Variants in THSD7B observed in about 807,000 individuals in gnomAD.
THSD7B encodes thrombospondin type-1 domain-containing protein 7B.
In THSD7B, 138 loss-of-function variants were observed where a neutral mutation model predicts 213.6. That is an observed-to-expected ratio of 0.65 (90% CI 0.56 to 0.74). The LOEUF (loss-of-function observed/expected upper bound fraction) is 0.74. Among genes scored for constraint, THSD7B ranks in the 30% least tolerant of loss-of-function variants. The pLI, the probability that THSD7B is intolerant of heterozygous loss-of-function variation, is 0.00. For synonymous variants in THSD7B, 742 were observed against 687.0 expected (o/e 1.08, Z -1.25); for missense variants, 1,931 against 1,991.5 (o/e 0.97, Z 0.58).
At chr2:137,355,694 A>G (rs1230538361) in intron 12 of THSD7B, among the ~76,000 whole-genome samples, 1 of 152,146 alleles carries the variant, frequency 6.6e-6, no homozygotes, top group Non-Finnish European at 1.5e-5. Flanking sequence ...TAATGAATCA[A>G]TCTCCAAGGA....
chr2:136,771,963 C>T (rs1681514533), intron 1 of THSD7B, among the ~76,000 whole-genome samples: 1 of 152,048 alleles, frequency 6.6e-6, no homozygotes, highest in East Asian at 1.9e-4. Flanking sequence ...TTGCTGCATA[C>T]CTAGCTAGGT....
intron 2 of THSD7B, among the ~76,000 whole-genome samples, chr2:136,892,738 A>AT (rs36122711): frequency 0.37 from 55,440 of 151,734 alleles, 11,563 homozygotes; most frequent in East Asian, 0.98. Context: ...CCATGTATGG[A>AT]TTTTAAAGTA....
In THSD7B at chr2:137,234,298, A is replaced by G. The variant is rs7569449; in HGVS notation, c.2150+1165A>G. On this transcript the variant is annotated intron_variant, in intron 9 of 27. Coordinates refer to ENST00000409968, the MANE Select transcript of THSD7B (RefSeq NM_001316349.2). ...ATTCAATTTAATTTGTGTTTCTCTC[A>G]TGGGCAATGGAAACACTGAAAAATT... 5.4e-3 allele frequency among the ~76,000 whole-genome samples: 824 copies of G among 152,298 alleles called. 8 individuals are homozygous for G. Among genetic ancestry groups the G allele is most frequent in the African/African-American group, 0.019 (785 of 41,566 alleles).
chr2:137,387,256 CTTAT>C (rs1287051271), intron 12 of THSD7B, among the ~76,000 whole-genome samples: 4 of 152,224 alleles, frequency 2.6e-5, no homozygotes, highest in African/African-American at 9.6e-5. Flanking sequence ...GGTGACTGCT[CTTAT>C]TTGAGTGCTC....
intron 12 of THSD7B, among the ~76,000 whole-genome samples, chr2:137,346,987 C>T (rs1339753695): frequency 6.6e-6 from 1 of 151,576 alleles, no homozygotes; most frequent in Non-Finnish European, 1.5e-5. Flanking sequence ...GTTTAACTTT[C>T]TGAGGAGCCT....
At chr2:137,100,776 A>G (rs1411359677) in intron 4 of THSD7B, among the ~76,000 whole-genome samples, 2 of 152,168 alleles carry the variant, frequency 1.3e-5, no homozygotes, top group Non-Finnish European at 2.9e-5. Flanking sequence ...TTTAAAATAA[A>G]GAACAGCTGA....
intron 1 of THSD7B, among the ~76,000 whole-genome samples, chr2:136,859,278 A>G (rs1683224359): frequency 6.6e-6 from 1 of 152,188 alleles, no homozygotes; most frequent in Non-Finnish European, 1.5e-5. Context: ...AGGAACAAAC[A>G]TTACCAATTT....
At chr2:137,494,325 C>T (rs1679509691) in intron 15 of THSD7B, among the ~76,000 whole-genome samples, 1 of 151,980 alleles carries the variant, frequency 6.6e-6, no homozygotes, top group Non-Finnish European at 1.5e-5. Context: ...TTCAGGAGAG[C>T]AGACTATATC....
chr2:137,559,739 C>A lies in THSD7B; in HGVS notation c.3139-3482C>A, dbSNP rs935122238. Among the ~76,000 whole-genome samples, 16 of 152,312 alleles carry A rather than the reference C, an allele frequency of 1.1e-4. No homozygotes were observed. The South Asian group carries it at 1.2e-3, about 12-fold the overall frequency. On this transcript the variant is annotated intron_variant, in intron 15 of 27. Transcript: ENST00000409968. Reference sequence around the variant, plus strand: ...GGGATCTAATTACACTAAAGAGCTTCTGCACAGCAAAAGAAACTACCATCC... The same window carrying A: ...GGGATCTAATTACACTAAAGAGCTTATGCACAGCAAAAGAAACTACCATCC...
chr2:136,849,265 A>C (rs1267273334), intron 1 of THSD7B, among the ~76,000 whole-genome samples: 1 of 152,140 alleles, frequency 6.6e-6, no homozygotes, highest in Non-Finnish European at 1.5e-5. Context: ...TGTTTCGTTT[A>C]TTGCTCACTA....
At chr2:137,083,521 C>T (rs1285932545) in intron 3 of THSD7B, among the ~76,000 whole-genome samples, 4 of 152,078 alleles carry the variant, frequency 2.6e-5, no homozygotes, top group Non-Finnish European at 5.9e-5. Flanking sequence ...TTGGTATATG[C>T]AGGTTTTTTT....
chr2:136,939,734 G>T (rs1487108140), intron 2 of THSD7B, among the ~76,000 whole-genome samples: 1 of 152,112 alleles, frequency 6.6e-6, no homozygotes, highest in African/African-American at 2.4e-5. Context: ...TACACACGTT[G>T]TTCCCTTCTC....
At chr2:137,131,816 T>A (rs1688738062) in intron 5 of THSD7B, among the ~76,000 whole-genome samples, 1 of 152,254 alleles carries the variant, frequency 6.6e-6, no homozygotes, top group Non-Finnish European at 1.5e-5. Flanking sequence ...GGTAGCGTGA[T>A]GCCTCCAGCT....
intron 1 of THSD7B, among the ~76,000 whole-genome samples, chr2:136,866,060 G>A (rs1683326749): frequency 6.6e-6 from 1 of 152,184 alleles, no homozygotes; most frequent in Non-Finnish European, 1.5e-5. Flanking sequence ...GGTGAGCATT[G>A]CCTCTGGTTC....
At chr2:137,669,222 A>AACC in intron 27 of THSD7B, among the ~76,000 whole-genome samples, 1 of 152,298 alleles carries the variant, frequency 6.6e-6, no homozygotes, top group Admixed American at 6.5e-5. Context: ...GCCATTGTCT[A>AACC]TTAACCTCAA....
intron 1 of THSD7B, among the ~76,000 whole-genome samples, chr2:136,813,373 G>T (rs892766503): frequency 6.6e-6 from 1 of 152,080 alleles, no homozygotes; most frequent in African/African-American, 2.4e-5. Flanking sequence ...TGACTACAAA[G>T]CTCCTGTTGG....
intron 17 of THSD7B, among the ~76,000 whole-genome samples, chr2:137,605,291 A>T (rs1355215701): frequency 6.6e-6 from 1 of 152,190 alleles, no homozygotes; most frequent in Non-Finnish European, 1.5e-5. Context: ...TCATGTCTGT[A>T]TACTCCTTCA....
intron 20 of THSD7B, among the ~76,000 whole-genome samples, chr2:137,628,442 G>T (rs892078631): frequency 1.3e-5 from 2 of 152,142 alleles, no homozygotes; most frequent in African/African-American, 4.8e-5. Context: ...GGGGAAAAAA[G>T]GCAATTTCCC....
intron 15 of THSD7B, among the ~76,000 whole-genome samples, chr2:137,473,563 C>A (rs1688134289): frequency 6.6e-6 from 1 of 152,152 alleles, no homozygotes; most frequent in African/African-American, 2.4e-5. Context: ...AGAGAACTCT[C>A]AAACCTTAGT....
Sources: allele counts gnomAD v4.1 joint callset (sites outside exome capture counted in the v4.1 genomes callset), GRCh38; gene constraint gnomAD v4.1.1; transcripts MANE v1.5; gene names NCBI Gene and HGNC (gene_info 2026-07-23, HGNC 2026-07-21).